The following TENM3 variants were observed in gnomAD, a reference collection of about 807,000 sequenced individuals.
The protein encoded by TENM3 is teneurin transmembrane protein 3, also known as teneurin-3.
In TENM3, 63 loss-of-function variants were observed where a neutral mutation model predicts 255.1. The observed-to-expected ratio is 0.25, with a 90% confidence interval of 0.20 to 0.30. The LOEUF (loss-of-function observed/expected upper bound fraction) is 0.30, where lower values mean the gene tolerates loss of function less well. TENM3 is among the 10% of genes least tolerant of loss of function. The pLI, the probability that TENM3 is intolerant of heterozygous loss-of-function variation, is 1.00. For synonymous variants in TENM3, 1,306 were observed against 1,322.3 expected (o/e 0.99, Z 0.27); for missense variants, 2,929 against 3,461.1 (o/e 0.85, Z 3.86).
chr4:181,893,539 G>C, the TENM3 span, among the ~76,000 whole-genome samples: 2 of 119,800 alleles, frequency 1.7e-5, no homozygotes, highest in Non-Finnish European at 3.2e-5. Context: ...CCAGTATTTT[G>C]TGGTTTCCAA....
chr4:182,792,559 A>G lies in TENM3; in HGVS notation c.5887A>G (p.Ser1963Gly). The change falls in exon 26 of 28, where the codon AGC becomes GGC. Residue 1963 changes from serine to glycine, a missense_variant. Coordinates refer to ENST00000511685, the MANE Select transcript of TENM3 (RefSeq NM_001080477.4). This position sits in a 1 kb window ranked among gnomAD's most constrained non-coding sequence, Gnocchi z 6.3. ...TAGGCTCTCAGAAATTTTATATGAT[A>G]GCACAAGAGTCAGTTTTACCTATGA... Reference protein sequence around the residue: ...QTRLSEILYDSTRVSFTYDET... With the variant: ...QTRLSEILYDGTRVSFTYDET... 1.1e-5 allele frequency: 17 copies of G among 1,614,066 alleles called. No homozygotes were observed. Among genetic ancestry groups the G allele is most frequent in the Non-Finnish European group, 1.3e-5 (15 of 1,179,904 alleles).
At chr4:181,743,421 GC>G in the TENM3 span, among the ~76,000 whole-genome samples, 1 of 152,138 alleles carries the variant, frequency 6.6e-6, no homozygotes, top group Admixed American at 6.5e-5. Flanking sequence ...TTTCTCTGAC[GC>G]CAGTGATGGT....
intron 6 of TENM3, among the ~76,000 whole-genome samples, chr4:182,659,741 T>A (rs1195519212): frequency 6.6e-6 from 1 of 152,168 alleles, no homozygotes; most frequent in Non-Finnish European, 1.5e-5. Context: ...CATCCACTCT[T>A]CACACACAAA....
At chr4:181,739,421 A>G in the TENM3 span, among the ~76,000 whole-genome samples, 1 of 152,148 alleles carries the variant, frequency 6.6e-6, no homozygotes, top group South Asian at 2.1e-4. Context: ...AAAGAACTAT[A>G]CTTGCTTTCA....
the TENM3 span, among the ~76,000 whole-genome samples, chr4:181,995,245 G>T: frequency 1.3e-5 from 2 of 151,540 alleles, no homozygotes; most frequent in Non-Finnish European, 2.9e-5. Flanking sequence ...AGCTAAGATC[G>T]CACCACTGCA....
chr4:181,735,434 A>T, the TENM3 span, among the ~76,000 whole-genome samples: 1 of 152,232 alleles, frequency 6.6e-6, no homozygotes, highest in East Asian at 1.9e-4. Flanking sequence ...ATTTTTCCTC[A>T]GTCAGAATTG....
At chr4:181,620,947 C>A in the TENM3 span, among the ~76,000 whole-genome samples, 244 of 152,222 alleles carry the variant, frequency 1.6e-3, 1 homozygote, top group African/African-American at 5.6e-3. Context: ...GGATGTCATA[C>A]CTGTAACACA....
chr4:182,322,115 T>A (rs1327953066), intron 1 of TENM3, among the ~76,000 whole-genome samples: 1 of 152,150 alleles, frequency 6.6e-6, no homozygotes. Context: ...TATGAGAAAT[T>A]CAGTTTCTCT....
intron 5 of TENM3, among the ~76,000 whole-genome samples, chr4:182,630,569 G>A (rs144766704): frequency 1.2e-3 from 190 of 152,242 alleles, no homozygotes; most frequent in African/African-American, 4.5e-3. Flanking sequence ...AGGGGAGGGA[G>A]AGCATTAGGT....
chr4:182,097,558 A>T, the TENM3 span, among the ~76,000 whole-genome samples: 1 of 152,020 alleles, frequency 6.6e-6, no homozygotes, highest in Admixed American at 6.5e-5. Context: ...AGAACTGGGG[A>T]TTTGTAGATT....
chr4:182,449,365 G>A (rs1773261178), intron 3 of TENM3, among the ~76,000 whole-genome samples: 1 of 152,216 alleles, frequency 6.6e-6, no homozygotes, highest in African/African-American at 2.4e-5. Context: ...ATTTCGAAGA[G>A]ATGGAGGCTG....
At chr4:181,826,455 C>T in the TENM3 span, among the ~76,000 whole-genome samples, 2 of 152,182 alleles carry the variant, frequency 1.3e-5, no homozygotes, top group East Asian at 3.9e-4. Flanking sequence ...GGATTGACAG[C>T]TCCACTTGTT....
the TENM3 span, among the ~76,000 whole-genome samples, chr4:181,463,778 A>G: frequency 6.6e-6 from 1 of 151,638 alleles, no homozygotes; most frequent in African/African-American, 2.4e-5. Context: ...TCCCCTAAAA[A>G]CCCTGTAGTT....
At chr4:182,232,578 G>C (rs1159917881) in intron 1 of TENM3, among the ~76,000 whole-genome samples, 1 of 152,080 alleles carries the variant, frequency 6.6e-6, no homozygotes, top group Non-Finnish European at 1.5e-5. Flanking sequence ...ACGAAAATTA[G>C]CTGGGTGTGG....
intron 3 of TENM3, among the ~76,000 whole-genome samples, chr4:182,556,858 T>A (rs1230863957): frequency 1.3e-5 from 2 of 152,188 alleles, no homozygotes; most frequent in African/African-American, 2.4e-5. Context: ...CAGGCTGAAC[T>A]AGGTAAAATG....
chr4:182,715,570 T>C (rs1424402769), intron 13 of TENM3, among the ~76,000 whole-genome samples: 1 of 152,232 alleles, frequency 6.6e-6, no homozygotes, highest in Admixed American at 6.5e-5. Context: ...GCTATTATTA[T>C]CCAGTTTCCC....
chr4:181,592,941 C>G, the TENM3 span, among the ~76,000 whole-genome samples: 1 of 152,146 alleles, frequency 6.6e-6, no homozygotes, highest in African/African-American at 2.4e-5. Context: ...GAGTTGAACA[C>G]AAAAGAAATT....
At chr4:182,344,542 A>T (rs949663965) in intron 2 of TENM3, among the ~76,000 whole-genome samples, 4 of 151,980 alleles carry the variant, frequency 2.6e-5, no homozygotes, top group Non-Finnish European at 4.4e-5. Context: ...CACCTCATAG[A>T]TTTTTTGCAT....
chr4:181,498,692 A>T, the TENM3 span, among the ~76,000 whole-genome samples: 2 of 152,158 alleles, frequency 1.3e-5, no homozygotes, highest in African/African-American at 4.8e-5. Flanking sequence ...CACTGTAAGG[A>T]CCAGTAGTAT....
Sources: allele counts gnomAD v4.1 joint callset (sites outside exome capture counted in the v4.1 genomes callset), GRCh38; gene constraint gnomAD v4.1.1; non-coding constraint Gnocchi (gnomAD v3.1); transcripts MANE v1.5; gene names NCBI Gene and HGNC (gene_info 2026-07-23, HGNC 2026-07-21).